AGBL4: variants seen among roughly 807,000 people sequenced by gnomAD.
The protein encoded by AGBL4 is AGBL carboxypeptidase 4.
In AGBL4, 58 loss-of-function variants were observed where a neutral mutation model predicts 66.4. The observed-to-expected ratio is 0.87, with a 90% confidence interval of 0.71 to 1.09. The LOEUF (loss-of-function observed/expected upper bound fraction) is 1.09, where lower values mean the gene tolerates loss of function less well. Among genes scored for constraint, AGBL4 ranks in the 50% least tolerant of loss-of-function variants. The pLI is 0.00. For missense variants in AGBL4, 579 were observed against 631.0 expected (o/e 0.92, Z 0.88); for synonymous variants, 234 against 222.9 (o/e 1.05, Z -0.44).
At chr1:49,013,157 C>CA (rs1385339111) in intron 5 of AGBL4, among the ~76,000 whole-genome samples, 4 of 152,162 alleles carry the variant, frequency 2.6e-5, no homozygotes, top group Non-Finnish European at 4.4e-5. Flanking sequence ...TCAATTACAG[C>CA]AACAGGAAAC....
intron 4 of AGBL4, among the ~76,000 whole-genome samples, chr1:49,049,643 G>T (rs1571324484): frequency 6.6e-6 from 1 of 152,014 alleles, no homozygotes; most frequent in East Asian, 1.9e-4. Flanking sequence ...CAAGAAGGCA[G>T]ATTCTAGTTC....
At chr1:49,328,914 A>T (rs533686307) in intron 3 of AGBL4, among the ~76,000 whole-genome samples, 1 of 152,338 alleles carries the variant, frequency 6.6e-6, no homozygotes, top group South Asian at 2.1e-4. Flanking sequence ...TATAATAATC[A>T]TATTAAAAAT....
At chr1:49,531,286 A>C (rs2148814044) in intron 3 of AGBL4, among the ~76,000 whole-genome samples, 1 of 152,120 alleles carries the variant, frequency 6.6e-6, no homozygotes, top group East Asian at 1.9e-4. Flanking sequence ...TAGGCATGTC[A>C]GTTTCCCTCT....
intron 6 of AGBL4, among the ~76,000 whole-genome samples, chr1:48,797,446 C>T (rs1008403257): frequency 1.3e-5 from 2 of 152,142 alleles, no homozygotes; most frequent in African/African-American, 4.8e-5. Flanking sequence ...AGCTTAGCTC[C>T]CACTTATAAG....
intron 3 of AGBL4, among the ~76,000 whole-genome samples, chr1:49,289,136 A>C (rs901384524): frequency 1.3e-5 from 2 of 152,170 alleles, no homozygotes; most frequent in African/African-American, 2.4e-5. Context: ...ATTTTTGGCA[A>C]AATAGAGGGA....
chr1:48,562,827 CA>C (rs1287501902), intron 11 of AGBL4, among the ~76,000 whole-genome samples: 3 of 152,186 alleles, frequency 2.0e-5, no homozygotes, highest in Non-Finnish European at 2.9e-5. Flanking sequence ...GTTGGTTATT[CA>C]TGCAATAATT....
At chr1:49,666,541 G>A (rs995803738) in intron 3 of AGBL4, among the ~76,000 whole-genome samples, 3 of 151,304 alleles carry the variant, frequency 2.0e-5, no homozygotes, top group Non-Finnish European at 4.4e-5. Context: ...ACTACAACCT[G>A]GAAGACAGAG....
chr1:48,552,284 G>A (rs1047904003), intron 11 of AGBL4, among the ~76,000 whole-genome samples: 5 of 152,094 alleles, frequency 3.3e-5, no homozygotes, highest in Middle Eastern at 6.8e-3. Flanking sequence ...GGCTTGTCTC[G>A]AACTCCTGAC....
intron 3 of AGBL4, among the ~76,000 whole-genome samples, chr1:49,282,840 T>C (rs908611155): frequency 3.3e-5 from 5 of 151,704 alleles, no homozygotes; most frequent in African/African-American, 1.2e-4. Context: ...CACCAAGAGA[T>C]TATATCCCGC....
intron 4 of AGBL4, among the ~76,000 whole-genome samples, chr1:49,226,016 G>C (rs572689627): frequency 1.2e-4 from 18 of 152,300 alleles, no homozygotes; most frequent in South Asian, 8.3e-4. Context: ...TAAGTTTAAG[G>C]ATGAGGAAAC....
chr1:48,689,203 C>CAAAAAAAAAAA (rs939955179), intron 6 of AGBL4, among the ~76,000 whole-genome samples: 4 of 53,254 alleles, frequency 7.5e-5, no homozygotes, highest in Admixed American at 2.1e-4. Context: ...GACCCGGTCT[C>CAAAAAAAAAAA]AAAAAAAAAA....
chr1:48,668,246 T>G (rs1646220638), intron 6 of AGBL4, among the ~76,000 whole-genome samples: 1 of 152,194 alleles, frequency 6.6e-6, no homozygotes, highest in Non-Finnish European at 1.5e-5. Flanking sequence ...ATCAGAGGGC[T>G]TGCTCAGGAC....
At chr1:49,167,732 T>C (rs1266572795) in intron 4 of AGBL4, among the ~76,000 whole-genome samples, 1 of 152,206 alleles carries the variant, frequency 6.6e-6, no homozygotes, top group Non-Finnish European at 1.5e-5. Flanking sequence ...AAAAAAATTA[T>C]ATTTGTTTTA....
At chr1:49,454,883 T>C (rs1227845300) in intron 3 of AGBL4, among the ~76,000 whole-genome samples, 1 of 151,722 alleles carries the variant, frequency 6.6e-6, no homozygotes. Flanking sequence ...CCTTAATAAG[T>C]ATGAATTTAC....
At chr1:49,523,895 T>A (rs1413361937) in intron 3 of AGBL4, among the ~76,000 whole-genome samples, 2 of 152,028 alleles carry the variant, frequency 1.3e-5, no homozygotes, top group African/African-American at 4.8e-5. Context: ...GCTAGCCAAG[T>A]GCCAAATAGC....
chr1:49,721,764 A>G (rs1648630911), intron 2 of AGBL4, among the ~76,000 whole-genome samples: 1 of 152,176 alleles, frequency 6.6e-6, no homozygotes, highest in Non-Finnish European at 1.5e-5. Context: ...AGTGGATTAC[A>G]AAGATAGAAT....
At chr1:48,675,734 G>C (rs529587707) in intron 6 of AGBL4, among the ~76,000 whole-genome samples, 41 of 152,284 alleles carry the variant, frequency 2.7e-4, no homozygotes, top group African/African-American at 9.9e-4. Context: ...GTGACCATTA[G>C]AGCTGAGTAT....
At chr1:49,114,466 A>T (rs1026420839) in intron 4 of AGBL4, among the ~76,000 whole-genome samples, 7 of 152,226 alleles carry the variant, frequency 4.6e-5, no homozygotes, top group African/African-American at 1.7e-4. Flanking sequence ...CAAATCAGCA[A>T]TAAGGCTGTT....
At chr1:48,683,627 G>T (rs1160511338) in intron 6 of AGBL4, among the ~76,000 whole-genome samples, 4 of 152,164 alleles carry the variant, frequency 2.6e-5, no homozygotes, top group Non-Finnish European at 5.9e-5. Context: ...TGTAAGGCTG[G>T]GCCTCAAAGA....
Sources: allele counts gnomAD v4.1 joint callset (sites outside exome capture counted in the v4.1 genomes callset), GRCh38; gene constraint gnomAD v4.1.1; transcripts MANE v1.5; gene names NCBI Gene and HGNC (gene_info 2026-07-23, HGNC 2026-07-21).